Variants in ARHGAP33 observed in about 807,000 individuals in gnomAD.
ARHGAP33 encodes Rho GTPase activating protein 33, also known as rho GTPase-activating protein 33.
Under a neutral mutation model 126.2 loss-of-function variants are expected in ARHGAP33, and 57 were observed. That is an observed-to-expected ratio of 0.45 (90% CI 0.36 to 0.56). The LOEUF is 0.56. ARHGAP33 is among the 20% of genes least tolerant of loss of function. The pLI is 0.00. For missense variants in ARHGAP33, 1,500 were observed against 1,748.3 expected (o/e 0.86, Z 2.53); for synonymous variants, 711 against 755.0 (o/e 0.94, Z 0.95).
Position 35,782,936 on chromosome 19 carries a change from G to A in ARHGAP33, c.1421+67G>A. ...CAAAACCACCCCAGGAACCCGCCCA[G>A]CTTTTCTTTTGTTTATTCATCGAAT... On this transcript the variant is annotated intron_variant, in intron 15 of 20. Coordinates refer to ENST00000007510, the MANE Select transcript of ARHGAP33 (RefSeq NM_001366178.1). This position sits in a 1 kb window ranked among gnomAD's most constrained non-coding sequence, Gnocchi z 4.1. 1 of 1,391,074 alleles carries A rather than the reference G, an allele frequency of 7.2e-7. No homozygotes were observed. Among genetic ancestry groups the A allele is most frequent in the Non-Finnish European group, 9.9e-7 (1 of 1,009,450 alleles). 86.2% of individuals were successfully genotyped at this position (1,391,074 alleles called of 1,614,324 possible). A position where few individuals can be genotyped will look rare whatever the true frequency, so the allele number is the denominator to read the frequency against.
intron 1 of ARHGAP33, among the ~76,000 whole-genome samples, chr19:35,776,261 A>T (rs1329064718): frequency 6.8e-6 from 1 of 147,422 alleles, no homozygotes; most frequent in Non-Finnish European, 1.5e-5. Flanking sequence ...CCAGCACTGT[A>T]CCTCCCTTGA....
intron 16 of ARHGAP33, chr19:35,784,564 G>A (rs891172259): frequency 7.6e-7 from 1 of 1,314,234 alleles, no homozygotes; most frequent in Non-Finnish European, 9.6e-7. Flanking sequence ...AGCTCCTGGG[G>A]GCGCTTGGGG....
chr19:35,777,137 G>A (rs1474672467), intron 1 of ARHGAP33, among the ~76,000 whole-genome samples: 5 of 152,148 alleles, frequency 3.3e-5, no homozygotes, highest in Admixed American at 2.6e-4. Context: ...GGGAAGTCTC[G>A]ATTATCAGAC....
At position 35,780,584 on chromosome 19, in the gene ARHGAP33, C is replaced by T. The variant is rs777003689; in HGVS notation, c.705C>T (p.Val235=). The part of the protein sequence containing the change: ...SWWRGKRGFQ[V]GFFPSECVEL... ...CTACTGACCCTGACCTTCCTCAGGT[C>T]GGGTTCTTCCCCAGTGAGTGTGTGG... is the stretch of plus-strand genomic sequence containing the variant. The change falls in exon 9 of 21, where the codon GTC becomes GTT. Residue 235 remains valine, a splice_region_variant and synonymous_variant. Coordinates refer to ENST00000007510, the MANE Select transcript of ARHGAP33 (RefSeq NM_001366178.1). 33 of 1,558,276 alleles carry T rather than the reference C, an allele frequency of 2.1e-5. No individual in the cohort carries two copies. Among genetic ancestry groups the T allele is most frequent in the Admixed American group, 5.2e-5 (3 of 57,612 alleles).
In ARHGAP33 at chr19:35,780,496, C is replaced by T; in HGVS notation, c.700C>T (p.Gln234Ter). ...RSWWRGKRGF[Q>*]VGFFPSECVE... The stretch of plus-strand genomic sequence containing the variant: ...CTGGTGGCGGGGCAAGCGAGGCTTC[C>T]AGGTGAGTCCAGCTGGGCGCGGACA... The change falls in exon 8 of 21, where the codon CAG (glutamine) becomes TAG (stop). Residue 234 changes from glutamine to a stop codon, truncating the protein, a stop_gained and splice_region_variant. Coordinates refer to ENST00000007510, the MANE Select transcript of ARHGAP33 (RefSeq NM_001366178.1). LOFTEE classifies it high-confidence loss of function. 1.2e-6 allele frequency: 2 copies of T among 1,606,598 alleles called. No individual in the cohort carries two copies. Among genetic ancestry groups the T allele is most frequent in the Non-Finnish European group, 1.7e-6 (2 of 1,175,222 alleles).
In ARHGAP33 at chr19:35,784,211, G is replaced by A. The variant is rs369589856; in HGVS notation, c.1461G>A (p.Ala487=). ...ELESVGMGGA[A]AFREVRVQSV... ...AGTCAGTGGGAATGGGTGGCGCGGC[G>A]GCGTTCCGGGAAGTTCGGGTGCAGT... The change falls in exon 16 of 21, where the codon GCG becomes GCA. Residue 487 remains alanine, a synonymous_variant. Transcript: ENST00000007510. The A allele has an allele frequency of 1.2e-5, 19 of 1,611,780 alleles. No individual in the cohort carries two copies. The highest frequency in any genetic ancestry group is 1.6e-4 in the Middle Eastern group (1 of 6,074).
In ARHGAP33 at chr19:35,780,907, C is replaced by G. The variant is rs755156294; in HGVS notation, c.830-13C>G. The G allele has an allele frequency of 6.2e-7, 1 of 1,610,366 alleles. No homozygotes were observed. The highest frequency in any genetic ancestry group is 8.5e-7 in the Non-Finnish European group (1 of 1,179,972). On this transcript the variant is annotated splice_polypyrimidine_tract_variant and intron_variant, in intron 10 of 20. Coordinates refer to ENST00000007510, the MANE Select transcript of ARHGAP33 (RefSeq NM_001366178.1). ...CAAGACCTGCCTTTGCCCTTTGCCC[C>G]TTGCCCCCACAGCTGTGCCACGGCC...
Position 35,786,104 on chromosome 19 carries a change from G to T in ARHGAP33, c.1943-309G>T. The stretch of plus-strand genomic sequence containing the variant: ...TCTGGGGGCTCTTCTGAGCCACCGC[G>T]CCATCCTCACACTCCTGGGGTACTG... On this transcript the variant is annotated intron_variant, in intron 19 of 20. Transcript: ENST00000007510. This position sits in a 1 kb window ranked among gnomAD's most constrained non-coding sequence, Gnocchi z 7.0. 8.1e-7 allele frequency: 1 copy of T among 1,241,370 alleles called. No individual in the cohort carries two copies. The highest frequency in any genetic ancestry group is 1.0e-6 in the Non-Finnish European group (1 of 990,566). The allele number at this position is 1,241,370 out of a possible 1,614,324, so 76.9% of individuals were successfully genotyped here.
intron 5 of ARHGAP33, 130 bp downstream of exon 5, chr19:35,778,731 A>G: frequency 5.4e-6 from 7 of 1,290,766 alleles, no homozygotes; most frequent in Non-Finnish European, 7.3e-6. Context: ...ATCTGAATGA[A>G]TGGAGAAGCC....
Position 35,784,979 on chromosome 19 carries a change from T to A in ARHGAP33, c.1594T>A (p.Ser532Thr). 6.5e-7 allele frequency: 1 copy of A among 1,544,726 alleles called. No homozygotes were observed. The highest frequency in any genetic ancestry group is 8.7e-7 in the Non-Finnish European group (1 of 1,146,626). The change falls in exon 17 of 21, where the codon TCC (serine) becomes ACC (threonine). Residue 532 changes from serine to threonine, a missense_variant. Physicochemically the swap from Ser to Thr is moderately conservative, Grantham distance 58 (BLOSUM62 1). Around this residue, in one of 6 missense-constraint regions of ARHGAP33, gnomAD observed 300 missense variants for 291.1 expected, o/e 1.03. Coordinates refer to ENST00000007510, the MANE Select transcript of ARHGAP33 (RefSeq NM_001366178.1). ...CCGCTGCCTGCTCCCCAGGCCCAAG[T>A]CCCTTGCGGGCAGCTGCCCCTCCAC... ...AGRCLLPRPK[S>T]LAGSCPSTRL...
At position 35,787,729 on chromosome 19, in the gene ARHGAP33, T is replaced by C; in HGVS notation, c.3164T>C (p.Leu1055Pro). Residue 1055 changes from leucine to proline, a missense_variant, in exon 21 of 21, where the codon CTG becomes CCG. By Grantham distance (98) the Leu-to-Pro change is moderately conservative. Coordinates refer to ENST00000007510, the MANE Select transcript of ARHGAP33 (RefSeq NM_001366178.1). Reference protein sequence around the residue: ...LGVPKPGLYPLGPPSFQPSSP... With the variant: ...LGVPKPGLYPPGPPSFQPSSP... ...GTCCCCAAGCCAGGCTTGTACCCCC[T>C]GGGCCCCCCATCCTTCCAGCCCAGT... The C allele has an allele frequency of 6.3e-7, 1 of 1,583,748 alleles. No homozygotes were observed. Among genetic ancestry groups the C allele is most frequent in the African/African-American group, 1.4e-5 (1 of 72,260 alleles).
chr19:35,780,106 C>A (rs1971673200), intron 6 of ARHGAP33, 105 bp from the exon 7 acceptor site: 2 of 1,487,260 alleles, frequency 1.3e-6, no homozygotes, highest in South Asian at 2.5e-5. Context: ...GACAGGGGCT[C>A]TTGACGGGGG....
At chr19:35,783,049 T>C in intron 15 of ARHGAP33, 180 bp downstream of exon 15, 1 of 600,150 alleles carries the variant, frequency 1.7e-6, no homozygotes, top group Non-Finnish European at 3.0e-6. Flanking sequence ...CTCCTGGGAC[T>C]CATGTTCTCA....
chr19:35,787,357 T>G lies in ARHGAP33; in HGVS notation c.2792T>G (p.Phe931Cys). ...ACCCCACCTGCTTCCCAATCCCCCT[T>G]CCACCGCTCGCTGTCTCTGGAGGTG... ...GGTPPASQSPFHRSLSLEVGG... is the reference protein window; with the variant it reads ...GGTPPASQSPCHRSLSLEVGG... The change falls in exon 21 of 21, where the codon TTC becomes TGC. Residue 931 changes from phenylalanine to cysteine, a missense_variant. Around this residue, in one of 6 missense-constraint regions of ARHGAP33, gnomAD observed 642 missense variants for 634.0 expected, o/e 1.01. Coordinates refer to ENST00000007510, the MANE Select transcript of ARHGAP33 (RefSeq NM_001366178.1). The G allele has an allele frequency of 6.2e-7, 1 of 1,609,990 alleles. No individual in the cohort carries two copies. The highest frequency in any genetic ancestry group is 8.5e-7 in the Non-Finnish European group (1 of 1,178,032).
chr19:35,777,773 G>C, intron 2 of ARHGAP33, 31 bp downstream of exon 2: 1 of 1,613,622 alleles, frequency 6.2e-7, no homozygotes, highest in Non-Finnish European at 8.5e-7. Context: ...GGCTCAGCTA[G>C]GAGCTGGGGA....
At chr19:35,780,542 C>A in intron 8 of ARHGAP33, 40 bp from the exon 9 acceptor site, 1 of 1,612,840 alleles carries the variant, frequency 6.2e-7, no homozygotes, top group Non-Finnish European at 8.5e-7. Context: ...GGGTACCTGC[C>A]AACTGGGGTG....
At chr19:35,784,501 C>T (rs905562365) in intron 16 of ARHGAP33, 184 bp downstream of exon 16, 6 of 1,332,014 alleles carry the variant, frequency 4.5e-6, no homozygotes, top group African/African-American at 3.1e-5. Flanking sequence ...TCAGCTCCTC[C>T]GCTCAGGATT....
Position 35,787,285 on chromosome 19 carries a change from G to A in ARHGAP33, c.2720G>A (p.Arg907Gln), listed in dbSNP as rs143277362. 865 of 1,612,334 alleles carry A rather than the reference G, an allele frequency of 5.4e-4. 7 individuals are homozygous for A. The highest frequency in any genetic ancestry group is 4.5e-3 in the South Asian group (406 of 91,042). ...ARLMALALAE[R>Q]AQQVAEQQSQ... is the part of the protein sequence containing the mutation. Reference sequence around the variant, plus strand: ...CTCATGGCCCTGGCCCTGGCTGAGCGGGCTCAGCAGGTGGCCGAGCAACAG... The same window carrying A: ...CTCATGGCCCTGGCCCTGGCTGAGCAGGCTCAGCAGGTGGCCGAGCAACAG... Residue 907 changes from arginine to glutamine, a missense_variant, in exon 21 of 21, where the codon CGG becomes CAG. Coordinates refer to ENST00000007510, the MANE Select transcript of ARHGAP33 (RefSeq NM_001366178.1).
At position 35,778,580 on chromosome 19, in the gene ARHGAP33, C is replaced by T. The variant is rs753909509; in HGVS notation, c.387C>T (p.Pro129=). Residue 129 remains proline (P), a synonymous_variant, in exon 5 of 21, where the codon CCC becomes CCT. Transcript: ENST00000007510. ...FSCLPELPPP[P]EGARAAQMLV... ...GCCTTCCGGAGCTTCCCCCGCCCCCCGAGGGTGCCAGGGCTGCCCAGGTAA... is the reference window on the plus strand; with the variant it reads ...GCCTTCCGGAGCTTCCCCCGCCCCCTGAGGGTGCCAGGGCTGCCCAGGTAA... 13 of 1,613,804 alleles carry T rather than the reference C, an allele frequency of 8.1e-6. No homozygotes were observed. The highest frequency in any genetic ancestry group is 2.7e-5 in the African/African-American group (2 of 74,922).
Sources: allele counts gnomAD v4.1 joint callset (sites outside exome capture counted in the v4.1 genomes callset), GRCh38; gene constraint gnomAD v4.1.1; regional missense constraint gnomAD v4.1.1; non-coding constraint Gnocchi (gnomAD v3.1); transcripts MANE v1.5; gene names NCBI Gene and HGNC (gene_info 2026-07-23, HGNC 2026-07-21).